Variants in TBCK observed in about 807,000 individuals in gnomAD.
TBCK encodes the protein TBC1 domain containing kinase.
TBCK carries 99 observed loss-of-function variants against 113.4 expected under a neutral mutation model. That is an observed-to-expected ratio of 0.87 (90% confidence interval 0.74 to 1.03). The LOEUF is 1.03. Ranked by LOEUF, TBCK falls within the 50% of genes least tolerant of loss-of-function variation. The probability of loss-of-function intolerance (pLI) is 0.00; values close to 1 mark genes in which losing one functional copy is unlikely to be tolerated. For missense variants in TBCK, 1,045 were observed against 1,061.3 expected, an observed-to-expected ratio of 0.98 and a Z score of 0.21; for synonymous variants, 369 against 370.8, an observed-to-expected ratio of 1.00 and a Z score of 0.05.
chr4:106,233,438 T>A, intron 16 of TBCK, 150 bp downstream of exon 16: 1 of 647,896 alleles, frequency 1.5e-6, no homozygotes, highest in Non-Finnish European at 2.7e-6. Flanking sequence ...TACTAATTTA[T>A]AAGCATAAGA....
At chr4:106,162,315 A>G (rs1017890722) in intron 23 of TBCK, among the ~76,000 whole-genome samples, 1 of 152,158 alleles carries the variant, frequency 6.6e-6, no homozygotes, top group African/African-American at 2.4e-5. Flanking sequence ...TGCAAGATAT[A>G]GCCCCACTTT....
At chr4:106,260,127 G>A (rs1041400149) in intron 5 of TBCK, among the ~76,000 whole-genome samples, 27 of 151,842 alleles carry the variant, frequency 1.8e-4, no homozygotes, top group Non-Finnish European at 2.8e-4. Flanking sequence ...TGAGAATCTA[G>A]TCATCCTTCT....
chr4:106,174,065 A>G (rs903169668), intron 22 of TBCK, among the ~76,000 whole-genome samples: 1 of 152,018 alleles, frequency 6.6e-6, no homozygotes, highest in African/African-American at 2.4e-5. Flanking sequence ...AAACACAACC[A>G]TTTGGGCAAG....
intron 23 of TBCK, among the ~76,000 whole-genome samples, chr4:106,152,497 T>A (rs1458272985): frequency 6.6e-6 from 1 of 152,080 alleles, no homozygotes; most frequent in Non-Finnish European, 1.5e-5. Context: ...AAATTTTTTT[T>A]GAGAATTTTT....
At chr4:106,303,167 G>C (rs953892382) in intron 2 of TBCK, among the ~76,000 whole-genome samples, 1 of 152,180 alleles carries the variant, frequency 6.6e-6, no homozygotes, top group Non-Finnish European at 1.5e-5. Context: ...GGCCCTGACT[G>C]TGGGTCTCCT....
intron 25 of TBCK, among the ~76,000 whole-genome samples, chr4:106,091,330 T>C (rs1419220521): frequency 6.6e-6 from 1 of 152,144 alleles, no homozygotes; most frequent in Non-Finnish European, 1.5e-5. Flanking sequence ...CTTATTACCA[T>C]GGAGAGGACA....
At chr4:106,169,015 A>T (rs1413219815) in intron 23 of TBCK, among the ~76,000 whole-genome samples, 3 of 152,016 alleles carry the variant, frequency 2.0e-5, no homozygotes, top group Non-Finnish European at 4.4e-5. Context: ...TTGGATTAGG[A>T]ATGCTCAATC....
chr4:106,233,271 T>C (rs1046154109), intron 16 of TBCK, among the ~76,000 whole-genome samples: 1 of 152,044 alleles, frequency 6.6e-6, no homozygotes, highest in African/African-American at 2.4e-5. Flanking sequence ...ACAGGAGAAT[T>C]AGACCATTTC....
intron 23 of TBCK, among the ~76,000 whole-genome samples, chr4:106,165,130 AG>A (rs990995329): frequency 8.6e-5 from 13 of 151,830 alleles, no homozygotes; most frequent in African/African-American, 3.1e-4. Flanking sequence ...ACAAAGAAAT[AG>A]ATTTTAAAAA....
At chr4:106,232,646 T>C (rs1220633208) in intron 17 of TBCK, among the ~76,000 whole-genome samples, 1 of 151,986 alleles carries the variant, frequency 6.6e-6, no homozygotes, top group Non-Finnish European at 1.5e-5. Flanking sequence ...ATTTAACAAT[T>C]TGCATAGGCG....
intron 15 of TBCK, among the ~76,000 whole-genome samples, chr4:106,233,926 G>C (rs927754258): frequency 6.6e-6 from 1 of 151,936 alleles, no homozygotes; most frequent in African/African-American, 2.4e-5. Flanking sequence ...TAATTACTTA[G>C]CTAGTAAGTA....
At chr4:106,277,390 A>C (rs2125769270) in intron 3 of TBCK, among the ~76,000 whole-genome samples, 1 of 152,332 alleles carries the variant, frequency 6.6e-6, no homozygotes, top group East Asian at 1.9e-4. Context: ...AAAAGACTTA[A>C]CAGGGCATTT....
intron 3 of TBCK, among the ~76,000 whole-genome samples, chr4:106,288,495 T>C (rs1765349045): frequency 6.6e-6 from 1 of 152,230 alleles, no homozygotes; most frequent in South Asian, 2.1e-4. Context: ...ATACACCATA[T>C]AGGTAATATC....
intron 9 of TBCK, 44 bp downstream of exon 9, chr4:106,248,201 C>T (rs200669753): frequency 1.3e-5 from 18 of 1,356,906 alleles, no homozygotes; most frequent in East Asian, 2.4e-5. Context: ...ATTGCTTATG[C>T]GTAAAGGATC....
rs149346377 is a variant in TBCK, at chr4:106,083,590, T to C, written c.2571+11892A>G. On this transcript the variant is annotated intron_variant, in intron 25 of 25. Coordinates refer to ENST00000394708, the MANE Select transcript of TBCK (RefSeq NM_001163435.3). The stretch of plus-strand genomic sequence containing the variant: ...ACACCCTCTAGAACAAGGAATAAAG[T>C]ACTTCATTAAACAGGTCCTGCTCCC... 2.3e-3 allele frequency among the ~76,000 whole-genome samples: 350 copies of C among 152,226 alleles called. 1 individual carries two copies. Among genetic ancestry groups the C allele is most frequent in the African/African-American group, 8.0e-3 (332 of 41,540 alleles).
At position 106,102,159 on chromosome 4, in the gene TBCK, T is replaced by G. The variant is rs1016738909; in HGVS notation, c.2412-6518A>C. 2.0e-5 allele frequency among the ~76,000 whole-genome samples: 3 copies of G among 152,306 alleles called. No individual in the cohort carries two copies. In the East Asian group the frequency reaches 5.8e-4, roughly 29 times the overall value. ...ATTAAGAGTTTAGACTATATTAGGG[T>G]TTCTTCTTATTCTAAAGTTTTGGGA... is the stretch of plus-strand genomic sequence containing the variant. On this transcript the variant is annotated intron_variant, in intron 24 of 25. Coordinates refer to ENST00000394708, the MANE Select transcript of TBCK (RefSeq NM_001163435.3).
At chr4:106,234,758 GCC>G (rs1759261868) in intron 15 of TBCK, among the ~76,000 whole-genome samples, 1 of 151,994 alleles carries the variant, frequency 6.6e-6, no homozygotes, top group Admixed American at 6.6e-5. Context: ...AGTATTGCAG[GCC>G]ACCATAATTT....
intron 23 of TBCK, among the ~76,000 whole-genome samples, chr4:106,167,139 G>T (rs953802391): frequency 1.1e-4 from 16 of 147,134 alleles, no homozygotes; most frequent in Non-Finnish European, 1.7e-4. Context: ...TATAGAGAGA[G>T]AGAGAGAGAA....
intron 10 of TBCK, among the ~76,000 whole-genome samples, chr4:106,246,076 A>T (rs1002833688): frequency 3.3e-5 from 5 of 152,204 alleles, no homozygotes; most frequent in African/African-American, 1.2e-4. Context: ...TCCTTCCCTC[A>T]TATCTCAAGG....
Sources: gnomAD v4.1 joint callset for allele counts (sites outside exome capture counted in the v4.1 genomes callset) on GRCh38, gnomAD v4.1.1 for gene constraint, MANE v1.5 for transcripts, NCBI Gene and HGNC (gene_info 2026-07-23, HGNC 2026-07-21) for gene names.